Variants in RAD9B observed in about 807,000 individuals in gnomAD.
The protein encoded by RAD9B is RAD9 checkpoint clamp component B.
In RAD9B, 41 loss-of-function variants were observed where a neutral mutation model predicts 48.3. That is an observed-to-expected ratio of 0.85 (90% confidence interval 0.66 to 1.10). RAD9B has a LOEUF of 1.10. Ranked by LOEUF, RAD9B falls within the 50% of genes least tolerant of loss-of-function variation. The probability of loss-of-function intolerance (pLI) is 0.00; values close to 1 mark genes in which losing one functional copy is unlikely to be tolerated. For missense variants in RAD9B, 444 were observed against 485.1 expected (o/e 0.92, Z 0.80); for synonymous variants, 160 against 157.9 (o/e 1.01, Z -0.10).
intron 5 of RAD9B, among the ~76,000 whole-genome samples, chr12:110,513,891 T>C (rs180694499): frequency 6.6e-6 from 1 of 151,932 alleles, no homozygotes; most frequent in East Asian, 1.9e-4. Flanking sequence ...GCCTGGCTAA[T>C]TTTTGTATTT....
chr12:110,531,554 T>A lies in RAD9B; in HGVS notation c.*901T>A. On this transcript the variant is annotated 3_prime_UTR_variant, in exon 11 of 11. Transcript: ENST00000409300. ...ACCTCAAATTGTTCTGATTTTCAGA[T>A]GTGATTTTTTATTTTGCAGTGTGCT... 2.7e-6 allele frequency: 4 copies of A among 1,481,404 alleles called. No homozygotes were observed. The highest frequency in any genetic ancestry group is 3.8e-6 in the Non-Finnish European group (4 of 1,064,284). 91.8% of individuals were successfully genotyped at this position (1,481,404 alleles called of 1,614,324 possible). A position where few individuals can be genotyped will look rare whatever the true frequency, so the allele number is the denominator to read the frequency against.
At chr12:110,511,454 A>C (rs139978236) in intron 4 of RAD9B, 2 of 453,684 alleles carry the variant, frequency 4.4e-6, no homozygotes, top group Middle Eastern at 3.2e-4. Flanking sequence ...AGAGGTCACT[A>C]TGTTAAGTGA....
chr12:110,532,783 A>G lies in RAD9B; in HGVS notation c.*2130A>G, dbSNP rs2064172557. ...GCTTACTGTTGTGTTACAACTGCCTACAGTATTCAGTACAGTAACATGTTA... is the reference window on the plus strand; with the variant it reads ...GCTTACTGTTGTGTTACAACTGCCTGCAGTATTCAGTACAGTAACATGTTA... On this transcript the variant is annotated 3_prime_UTR_variant, in exon 11 of 11. Transcript: ENST00000409300. Among the ~76,000 whole-genome samples, 1 of 152,190 alleles carries G rather than the reference A, an allele frequency of 6.6e-6. No individual in the cohort carries two copies.
At chr12:110,528,451 C>T (rs974195910) in intron 10 of RAD9B, among the ~76,000 whole-genome samples, 6 of 152,162 alleles carry the variant, frequency 3.9e-5, no homozygotes, top group South Asian at 4.1e-4. Flanking sequence ...CCCGCAGTGC[C>T]GCCCACCATC....
At chr12:110,503,038 A>T (rs2063138970) in intron 1 of RAD9B, 1 of 152,876 alleles carries the variant, frequency 6.5e-6, no homozygotes, top group Non-Finnish European at 1.5e-5. Context: ...TTAGGTCGGG[A>T]GTTCGAGACC....
At chr12:110,516,226 CAAAAA>C in intron 6 of RAD9B, among the ~76,000 whole-genome samples, 1 of 141,536 alleles carries the variant, frequency 7.1e-6, no homozygotes, top group South Asian at 2.2e-4. Flanking sequence ...GATCTTGTCT[CAAAAA>C]AAAAAAAATT....
chr12:110,511,245 GA>G (rs71445509), intron 4 of RAD9B, among the ~76,000 whole-genome samples: 30 of 150,692 alleles, frequency 2.0e-4, no homozygotes, highest in African/African-American at 3.9e-4. Context: ...TTATCCAAAG[GA>G]AAAAAAAATA....
intron 10 of RAD9B, among the ~76,000 whole-genome samples, chr12:110,529,212 C>G (rs766819822): frequency 1.3e-5 from 2 of 152,010 alleles, no homozygotes; most frequent in Non-Finnish European, 2.9e-5. Context: ...GGCTCAATCT[C>G]AGCTCACTGC....
chr12:110,518,643 T>C, intron 6 of RAD9B, 33 bp from the exon 7 acceptor site: 1 of 1,449,382 alleles, frequency 6.9e-7, no homozygotes, highest in Non-Finnish European at 9.4e-7. Flanking sequence ...CTGGAACTAA[T>C]TTTATTCTTT....
intron 4 of RAD9B, among the ~76,000 whole-genome samples, chr12:110,510,706 G>A (rs2063433472): frequency 6.6e-6 from 1 of 152,120 alleles, no homozygotes; most frequent in South Asian, 2.1e-4. Flanking sequence ...TGGCACATAG[G>A]TTCATACTCA....
At chr12:110,511,802 C>T (rs915816471) in intron 4 of RAD9B, among the ~76,000 whole-genome samples, 1 of 152,132 alleles carries the variant, frequency 6.6e-6, no homozygotes, top group Non-Finnish European at 1.5e-5. Flanking sequence ...TTGATAATTA[C>T]ACAGTCTGTG....
chr12:110,502,452 A>G (rs2063108103), intron 1 of RAD9B, 69 bp downstream of exon 1: 2 of 1,559,286 alleles, frequency 1.3e-6, no homozygotes, highest in East Asian at 2.3e-5. Context: ...CGTCCCTACC[A>G]TTGTCTAATT....
In RAD9B at chr12:110,505,667, G is replaced by C; in HGVS notation, c.168G>C (p.Leu56=). 6.3e-7 allele frequency: 1 copy of C among 1,583,760 alleles called. No homozygotes were observed. Among genetic ancestry groups the C allele is most frequent in the Admixed American group, 1.8e-5 (1 of 54,736 alleles). ...NSSRSAYGCV[L]FSPVFFQHYQ... ...CTCGGTCAGCATATGGATGTGTCCT[G>C]TTCTCTCCTGTGTTTTTTCAGCATT... is the stretch of plus-strand genomic sequence containing the variant. Residue 56 remains leucine (L), a synonymous_variant, in exon 3 of 11, where the codon CTG becomes CTC. Transcript: ENST00000409300.
chr12:110,518,806 T>A, intron 7 of RAD9B, 24 bp downstream of exon 7: 1 of 1,575,970 alleles, frequency 6.3e-7, no homozygotes, highest in Middle Eastern at 1.7e-4. Context: ...TGTATCAATT[T>A]AAAATTCAAA....
In RAD9B at chr12:110,506,785, G is replaced by T. The variant is rs546207719; in HGVS notation, c.388+92G>T. On this transcript the variant is annotated intron_variant, in intron 4 of 10. Coordinates refer to ENST00000409300, the MANE Select transcript of RAD9B (RefSeq NM_001286535.2). ...TTGATATTTCATGTCAAGATTTCTC[G>T]TTACATTATTGCTTAGAGTGTGTGT... 3 of 677,260 alleles carry T rather than the reference G, an allele frequency of 4.4e-6. No homozygotes were observed. The East Asian group carries it at 8.3e-5, about 19-fold the overall frequency. The allele number at this position is 677,260 out of a possible 1,614,324, so 42.0% of individuals were successfully genotyped here.
At chr12:110,511,745 T>C (rs548705100) in intron 4 of RAD9B, among the ~76,000 whole-genome samples, 4 of 152,308 alleles carry the variant, frequency 2.6e-5, no homozygotes, top group South Asian at 4.1e-4. Context: ...TCTTAACACA[T>C]AGAAATGATA....
At chr12:110,529,317 G>T (rs1429299999) in intron 10 of RAD9B, among the ~76,000 whole-genome samples, 2 of 151,300 alleles carry the variant, frequency 1.3e-5, no homozygotes, top group Non-Finnish European at 2.9e-5. Flanking sequence ...CTAATTTTTT[G>T]TATTTTTAGT....
At chr12:110,509,090 G>A (rs2063381129) in intron 4 of RAD9B, among the ~76,000 whole-genome samples, 1 of 151,988 alleles carries the variant, frequency 6.6e-6, no homozygotes, top group Admixed American at 6.6e-5. Flanking sequence ...TCAGCCTCTC[G>A]AGTAGTTGGG....
intron 4 of RAD9B, among the ~76,000 whole-genome samples, chr12:110,510,253 G>A (rs1171549329): frequency 6.6e-6 from 1 of 152,150 alleles, no homozygotes; most frequent in Non-Finnish European, 1.5e-5. Context: ...TCTGTAAAAT[G>A]TTAGCCCTGT....
Sources: gnomAD v4.1 joint callset for allele counts (sites outside exome capture counted in the v4.1 genomes callset) on GRCh38, gnomAD v4.1.1 for gene constraint, MANE v1.5 for transcripts, NCBI Gene and HGNC (gene_info 2026-07-23, HGNC 2026-07-21) for gene names.